IRAG2: variants seen among roughly 807,000 people sequenced by gnomAD.
IRAG2 encodes inositol 1,4,5-triphosphate receptor associated 2.
A neutral mutation model predicts 69.9 loss-of-function variants in IRAG2; 45 were observed. That is an observed-to-expected ratio of 0.64 (90% CI 0.51 to 0.83). The LOEUF is 0.83. IRAG2 is among the 40% of genes least tolerant of loss of function. The probability of loss-of-function intolerance (pLI) is 0.00; values close to 1 mark genes in which losing one functional copy is unlikely to be tolerated. For synonymous variants in IRAG2, 193 were observed against 202.4 expected, an observed-to-expected ratio of 0.95 and a Z score of 0.40; for missense variants, 520 against 587.0, an observed-to-expected ratio of 0.89 and a Z score of 1.18.
chr12:25,038,096 C>A (rs1050215521), exon 16 of IRAG2: 9 of 398,702 alleles, frequency 2.3e-5, no homozygotes, highest in South Asian at 1.3e-4. Context: ...TGAAGAGATT[C>A]AGGCAGGAAT....
intron 2 of IRAG2, among the ~76,000 whole-genome samples, 161 bp downstream of exon 2, chr12:25,061,814 A>C (rs1425507442): frequency 6.6e-6 from 1 of 152,208 alleles, no homozygotes; most frequent in Non-Finnish European, 1.5e-5. Flanking sequence ...TCTGCACTTA[A>C]AGTATTTAGC....
intron 8 of IRAG2, among the ~76,000 whole-genome samples, chr12:25,026,591 T>C (rs971745940): frequency 1.3e-5 from 2 of 152,104 alleles, no homozygotes; most frequent in African/African-American, 4.8e-5. Context: ...ATGCTTGCAG[T>C]TAAGGTAATG....
chr12:25,086,799 G>A (rs1461981125), intron 10 of IRAG2, among the ~76,000 whole-genome samples: 1 of 152,178 alleles, frequency 6.6e-6, no homozygotes, highest in Non-Finnish European at 1.5e-5. Flanking sequence ...TGGCAATAGG[G>A]AGTTGATAGC....
chr12:25,087,930 C>T (rs117544460), intron 10 of IRAG2, among the ~76,000 whole-genome samples, 170 bp from the exon 11 acceptor site: 1,764 of 152,246 alleles, frequency 0.012, 22 homozygotes, highest in Non-Finnish European at 0.017. Context: ...ACCTCACCCC[C>T]GTGGAAAAAC....
intron 17 of IRAG2, 31 bp downstream of exon 17, chr12:25,102,272 G>T (rs755677438): frequency 2.0e-5 from 31 of 1,565,040 alleles, no homozygotes; most frequent in Non-Finnish European, 1.8e-5. Flanking sequence ...CAAATGTCTA[G>T]CAAATACTAT....
At chr12:25,083,661 GT>G (rs1488050056) in intron 10 of IRAG2, among the ~76,000 whole-genome samples, 168 bp downstream of exon 10, 1 of 152,194 alleles carries the variant, frequency 6.6e-6, no homozygotes, top group Admixed American at 6.5e-5. Flanking sequence ...AGGCCAAAGT[GT>G]TTTTGTGACT....
intron 14 of IRAG2, among the ~76,000 whole-genome samples, chr12:25,094,818 T>C (rs1328517276): frequency 1.3e-5 from 2 of 152,184 alleles, no homozygotes; most frequent in African/African-American, 4.8e-5. Flanking sequence ...TTCCTCAGTA[T>C]TTTATTCATT....
upstream of IRAG2, among the ~76,000 whole-genome samples, chr12:25,050,466 T>TAGAC (rs1944838587): frequency 7.0e-6 from 1 of 142,192 alleles, no homozygotes; most frequent in Non-Finnish European, 1.5e-5. Context: ...GAGCCAAAGG[T>TAGAC]TGCAGTGAGC....
At chr12:25,104,209 GT>G (rs1204088799) in intron 19 of IRAG2, 151 bp downstream of exon 19, 1 of 858,224 alleles carries the variant, frequency 1.2e-6, no homozygotes, top group Non-Finnish European at 1.8e-6. Flanking sequence ...TAATTATGAA[GT>G]TTTTTATCAT....
intron 6 of IRAG2, among the ~76,000 whole-genome samples, chr12:25,072,725 C>G (rs1381941762): frequency 6.6e-6 from 1 of 152,176 alleles, no homozygotes; most frequent in African/African-American, 2.4e-5. Context: ...TTATAACAAA[C>G]AACTTGACCT....
chr12:25,027,496 G>A lies in IRAG2; in HGVS notation c.1461+630G>A, dbSNP rs139895220. On this transcript the variant is annotated intron_variant, in intron 9 of 38. Transcript: ENST00000636465. ...TGCAAGCTCTGCCTTCCGTGTTCAC[G>A]CCATTCTCCTGCCTCAGCCTCCCGA... 1.9e-3 allele frequency among the ~76,000 whole-genome samples: 279 copies of A among 150,426 alleles called. 5 individuals are homozygous for A. Among genetic ancestry groups the A allele is most frequent in the Non-Finnish European group, 2.9e-4 (20 of 67,812 alleles).
chr12:25,078,649 C>T (rs1946984140), intron 6 of IRAG2, among the ~76,000 whole-genome samples: 1 of 152,100 alleles, frequency 6.6e-6, no homozygotes, highest in Non-Finnish European at 1.5e-5. Flanking sequence ...ATAGGAATTC[C>T]TTGTAGAAAT....
chr12:25,080,355 CTTT>C (rs558659761), intron 9 of IRAG2, among the ~76,000 whole-genome samples: 1 of 141,046 alleles, frequency 7.1e-6, no homozygotes. Flanking sequence ...TTTCTTTTAT[CTTT>C]TTTTTTTTTT....
chr12:25,061,654 G>A lies in IRAG2; in HGVS notation c.-385+1G>A. ...GGAACACCATGGCTTGCTGTTTCAG[G>A]TAAAATATCTCTGATATGTGTTCAG... On this transcript the variant is annotated splice_donor_variant, in intron 2 of 21. Transcript: ENST00000556887. LOFTEE classifies it low-confidence loss of function (5UTR_SPLICE). 2 of 398,572 alleles carry A rather than the reference G, an allele frequency of 5.0e-6. No homozygotes were observed. Among genetic ancestry groups the A allele is most frequent in the Non-Finnish European group, 8.8e-6 (2 of 226,028 alleles). The allele number at this position is 398,572 out of a possible 1,614,324, so 24.7% of individuals were successfully genotyped here. A position where few individuals can be genotyped will look rare whatever the true frequency, so the allele number is the denominator to read the frequency against.
intron 8 of IRAG2, among the ~76,000 whole-genome samples, chr12:25,025,522 A>G (rs7302445): frequency 0.22 from 33,398 of 150,624 alleles, 4,442 homozygotes; most frequent in Non-Finnish European, 0.31. Context: ...ACAAAACAAA[A>G]CAAAAAAAAC....
chr12:25,041,979 GTGTGTGTGTGTGTA>G (rs1311095570), intron 16 of IRAG2, among the ~76,000 whole-genome samples: 1 of 150,330 alleles, frequency 6.7e-6, no homozygotes, highest in Non-Finnish European at 1.5e-5. Context: ...GTGTGTGTGT[GTGTGTGTGTGTGTA>G]TGTGTATGTG....
intron 15 of IRAG2, among the ~76,000 whole-genome samples, chr12:25,098,580 TCTC>T (rs1225827919): frequency 5.9e-5 from 9 of 152,176 alleles, no homozygotes; most frequent in African/African-American, 2.2e-4. Context: ...GGGACCAAAT[TCTC>T]CTGACTTTTC....
At chr12:24,998,349 C>A in the IRAG2 span, among the ~76,000 whole-genome samples, 1 of 152,176 alleles carries the variant, frequency 6.6e-6, no homozygotes, top group African/African-American at 2.4e-5. Context: ...ACTTGCTGAG[C>A]ATTTACTAAA....
At position 25,090,347 on chromosome 12, in the gene IRAG2, T is replaced by A. The variant is rs572897240; in HGVS notation, c.606+150T>A. 3.4e-5 allele frequency: 22 copies of A among 642,540 alleles called. No homozygotes were observed. The South Asian group carries it at 4.6e-4, about 13-fold the overall frequency. The allele number at this position is 642,540 out of a possible 1,614,324, so 39.8% of individuals were successfully genotyped here. ...ACTTGAGGCCCGGAGTTCAAGATCATCCTGGGCAACATAGTGGGACCCCAT... is the reference window on the plus strand; with the variant it reads ...ACTTGAGGCCCGGAGTTCAAGATCAACCTGGGCAACATAGTGGGACCCCAT... On this transcript the variant is annotated intron_variant, in intron 14 of 21. Transcript: ENST00000556887.
Sources: allele counts gnomAD v4.1 joint callset (sites outside exome capture counted in the v4.1 genomes callset), GRCh38; gene constraint gnomAD v4.1.1; transcripts MANE v1.5; gene names NCBI Gene and HGNC (gene_info 2026-07-23, HGNC 2026-07-21).